Variants in KCNAB1 observed in about 807,000 individuals in gnomAD.
KCNAB1 encodes the protein voltage-gated potassium channel subunit beta-1.
KCNAB1 carries 35 observed loss-of-function variants against 64.6 expected under a neutral mutation model. That is an observed-to-expected ratio of 0.54 (90% CI 0.41 to 0.72). The LOEUF is 0.72. Among genes scored for constraint, KCNAB1 ranks in the 30% least tolerant of loss-of-function variants. KCNAB1 has a pLI of 0.00. For missense variants in KCNAB1, 401 were observed against 512.9 expected, an observed-to-expected ratio of 0.78 and a Z score of 2.11; for synonymous variants, 177 against 183.8, an observed-to-expected ratio of 0.96 and a Z score of 0.30.
At chr3:156,302,526 C>G (rs1721223670) in intron 1 of KCNAB1, among the ~76,000 whole-genome samples, 1 of 152,182 alleles carries the variant, frequency 6.6e-6, no homozygotes, top group African/African-American at 2.4e-5. Flanking sequence ...ATAATGGGAT[C>G]ATTGAAAATG....
intron 1 of KCNAB1, among the ~76,000 whole-genome samples, chr3:156,122,138 T>C (rs1560096503): frequency 6.6e-6 from 1 of 151,852 alleles, no homozygotes; most frequent in East Asian, 1.9e-4. Flanking sequence ...CTCTTGTATA[T>C]GCTGTTGGGC....
intron 1 of KCNAB1, among the ~76,000 whole-genome samples, chr3:156,303,882 A>T (rs962131714): frequency 1.3e-5 from 2 of 152,228 alleles, no homozygotes; most frequent in African/African-American, 4.8e-5. Context: ...ATGTTGGTTC[A>T]TGTTGACAGT....
chr3:156,186,358 C>T (rs77676464), intron 1 of KCNAB1, among the ~76,000 whole-genome samples: 2,602 of 152,210 alleles, frequency 0.017, 46 homozygotes, highest in South Asian at 0.03. Flanking sequence ...TTGTTTCTGT[C>T]CTATTCCTTT....
intron 1 of KCNAB1, among the ~76,000 whole-genome samples, chr3:156,284,855 C>T (rs1471469501): frequency 1.3e-5 from 2 of 152,198 alleles, no homozygotes; most frequent in Non-Finnish European, 2.9e-5. Flanking sequence ...CACTGACCTG[C>T]GCCCACAGTC....
At chr3:156,347,123 A>T (rs9829670) in intron 1 of KCNAB1, among the ~76,000 whole-genome samples, 17,772 of 152,270 alleles carry the variant, frequency 0.12, 3,332 homozygotes, top group African/African-American at 0.39. Flanking sequence ...TAAAAAAGGT[A>T]ACACAAATTT....
At chr3:156,535,303 T>C (rs372463658) in intron 13 of KCNAB1, among the ~76,000 whole-genome samples, 13 of 152,326 alleles carry the variant, frequency 8.5e-5, no homozygotes, top group East Asian at 5.8e-4. Context: ...AACCTCAGAA[T>C]TGGTCGTCAG....
chr3:156,524,046 G>A (rs910910081), intron 12 of KCNAB1, 99 bp downstream of exon 12: 233 of 1,155,184 alleles, frequency 2.0e-4, no homozygotes, highest in Non-Finnish European at 2.7e-4. Context: ...AATGTCTATT[G>A]CAGGGACAGA....
intron 1 of KCNAB1, among the ~76,000 whole-genome samples, chr3:156,327,499 A>G (rs1232004416): frequency 6.6e-6 from 1 of 152,128 alleles, no homozygotes; most frequent in African/African-American, 2.4e-5. Flanking sequence ...TAATTTATTA[A>G]CCCATATATA....
At chr3:156,377,368 G>A (rs779680747) in intron 1 of KCNAB1, among the ~76,000 whole-genome samples, 7 of 152,122 alleles carry the variant, frequency 4.6e-5, no homozygotes, top group East Asian at 1.9e-4. Flanking sequence ...CGAGCCATGC[G>A]AACCAAGAGC....
chr3:156,255,244 C>T (rs568115979), intron 1 of KCNAB1, among the ~76,000 whole-genome samples: 1 of 152,042 alleles, frequency 6.6e-6, no homozygotes, highest in Non-Finnish European at 1.5e-5. Flanking sequence ...TGCTATGAGC[C>T]GGATCTTATT....
intron 1 of KCNAB1, among the ~76,000 whole-genome samples, chr3:156,392,207 C>T (rs1475363806): frequency 2.0e-5 from 3 of 152,184 alleles, no homozygotes; most frequent in African/African-American, 7.2e-5. Context: ...TATTGTCAGT[C>T]TCTCTACCCA....
At chr3:156,514,559 C>A in intron 9 of KCNAB1, 110 bp downstream of exon 9, 1 of 733,006 alleles carries the variant, frequency 1.4e-6, no homozygotes. Flanking sequence ...ATCACTATGG[C>A]ACTGGAATTC....
At chr3:156,206,984 G>A (rs1189312693) in intron 1 of KCNAB1, among the ~76,000 whole-genome samples, 1 of 152,190 alleles carries the variant, frequency 6.6e-6, no homozygotes, top group African/African-American at 2.4e-5. Flanking sequence ...TCTGTCCCTG[G>A]AAGGCACTAG....
chr3:156,208,166 G>A (rs1714779848), intron 1 of KCNAB1, among the ~76,000 whole-genome samples: 1 of 152,140 alleles, frequency 6.6e-6, no homozygotes, highest in Non-Finnish European at 1.5e-5. Flanking sequence ...TGGGACCAAA[G>A]TTTGGGAACT....
intron 2 of KCNAB1, among the ~76,000 whole-genome samples, chr3:156,435,389 A>C (rs980059755): frequency 1.3e-5 from 2 of 152,202 alleles, no homozygotes; most frequent in African/African-American, 4.8e-5. Flanking sequence ...TTGAGGGTCT[A>C]TGAGGGACTA....
At chr3:156,354,047 ATGTGTGTGTG>A (rs368761986) in intron 1 of KCNAB1, among the ~76,000 whole-genome samples, 2 of 137,586 alleles carry the variant, frequency 1.5e-5, no homozygotes, top group Non-Finnish European at 3.1e-5. Flanking sequence ...GTGTATATAT[ATGTGTGTGTG>A]TGTGTGTGTG....
At chr3:156,448,295 G>A (rs936953434) in intron 2 of KCNAB1, among the ~76,000 whole-genome samples, 48 of 152,176 alleles carry the variant, frequency 3.2e-4, no homozygotes, top group African/African-American at 9.4e-4. Context: ...TGCCATTCTA[G>A]GTCTCAGGAA....
intron 1 of KCNAB1, among the ~76,000 whole-genome samples, chr3:156,171,204 C>CACACAA (rs1200802586): frequency 6.6e-6 from 1 of 151,654 alleles, no homozygotes; most frequent in East Asian, 1.9e-4. Context: ...TACACACACA[C>CACACAA]ACACACACAC....
rs7620003 is a variant in KCNAB1, at chr3:156,291,720, G to T, written c.276-129896G>T. On this transcript the variant is annotated intron_variant, in intron 1 of 13. Coordinates refer to ENST00000490337, the MANE Select transcript of KCNAB1 (RefSeq NM_172160.3). ...GTCCCCGGGGACTCTTTCCTGCATC[G>T]CAGCCCCTTGTGCCACTTTGTGGGC... 2.0e-3 allele frequency: 2,888 copies of T among 1,434,688 alleles called. 62 individuals are homozygous for T. The African/African-American group carries it at 0.035, about 17-fold the overall frequency. 88.9% of individuals were successfully genotyped at this position (1,434,688 alleles called of 1,614,324 possible). A position where few individuals can be genotyped will look rare whatever the true frequency, so the allele number is the denominator to read the frequency against.
Sources: allele counts gnomAD v4.1 joint callset (sites outside exome capture counted in the v4.1 genomes callset), GRCh38; gene constraint gnomAD v4.1.1; transcripts MANE v1.5; gene names NCBI Gene and HGNC (gene_info 2026-07-23, HGNC 2026-07-21).